CDH24: variants seen among roughly 807,000 people sequenced by gnomAD.
The protein encoded by CDH24 is cadherin 24.
CDH24 carries 61 observed loss-of-function variants against 71.2 expected under a neutral mutation model. That is an observed-to-expected ratio of 0.86 (90% CI 0.70 to 1.06). CDH24 has a LOEUF of 1.06. Ranked by LOEUF, CDH24 falls within the 50% of genes least tolerant of loss-of-function variation. The probability of loss-of-function intolerance (pLI) is 0.00; values close to 1 mark genes in which losing one functional copy is unlikely to be tolerated. For missense variants in CDH24, 961 were observed against 1,083.7 expected, an observed-to-expected ratio of 0.89 and a Z score of 1.59; for synonymous variants, 440 against 470.2, an observed-to-expected ratio of 0.94 and a Z score of 0.83.
At chr14:23,049,496 T>A in intron 10 of CDH24, 131 bp downstream of exon 10, 1 of 692,706 alleles carries the variant, frequency 1.4e-6, no homozygotes, top group South Asian at 1.8e-5. Context: ...TGAGTACAAG[T>A]CCACACCCAT....
intron 8 of CDH24, among the ~76,000 whole-genome samples, chr14:23,050,311 C>A (rs928586054): frequency 3.3e-5 from 5 of 152,188 alleles, no homozygotes; most frequent in African/African-American, 1.2e-4. Flanking sequence ...AAAACACATT[C>A]ATACCATATA....
intron 11 of CDH24, 81 bp from the exon 12 acceptor site, chr14:23,048,560 A>C (rs1404995638): frequency 2.1e-6 from 3 of 1,430,948 alleles, no homozygotes; most frequent in African/African-American, 1.4e-5. Flanking sequence ...AGGCTGACCC[A>C]TCAGGTGACA....
chr14:23,048,922 C>T (rs570462960), intron 11 of CDH24, 105 bp downstream of exon 11: 20 of 1,337,916 alleles, frequency 1.5e-5, no homozygotes, highest in South Asian at 1.1e-4. Context: ...GTATGAGGGT[C>T]GTTCAAGCCC....
chr14:23,052,832 G>A (rs942619685), intron 7 of CDH24, among the ~76,000 whole-genome samples: 1 of 152,158 alleles, frequency 6.6e-6, no homozygotes, highest in Non-Finnish European at 1.5e-5. Context: ...ACGGGGGGAG[G>A]GGGAGAAGAC....
Position 23,053,573 on chromosome 14 carries a change from C to T in CDH24, c.1149G>A (p.Val383=). The part of the protein sequence containing the change: ...AFTQAAYHLT[V]PENKAPGTLV... The stretch of plus-strand genomic sequence containing the variant: ...GGGTCCCCGGGGCCTTGTTCTCAGG[C>T]ACTGTCAGGTGGTAGGCAGCCTGGG... Residue 383 remains valine, a synonymous_variant, in exon 7 of 13, where the codon GTG becomes GTA. Transcript: ENST00000487137. 6.2e-7 allele frequency: 1 copy of T among 1,612,186 alleles called. No homozygotes were observed. The highest frequency in any genetic ancestry group is 1.7e-5 in the Admixed American group (1 of 59,976).
Position 23,048,215 on chromosome 14 carries a change from T to A in CDH24, c.2111A>T (p.Gln704Leu), listed in dbSNP as rs911692283. The A allele has an allele frequency of 7.6e-7, 1 of 1,315,206 alleles. No homozygotes were observed. Among genetic ancestry groups the A allele is most frequent in the Non-Finnish European group, 9.7e-7 (1 of 1,031,586 alleles). 81.5% of individuals were successfully genotyped at this position (1,315,206 alleles called of 1,614,324 possible). ...PRPPGPADVAQLLALRLREAD... is the reference protein window; with the variant it reads ...PRPPGPADVALLLALRLREAD... ...CTCGCGGAGCCGCAGCGCCAGGAGC[T>A]GCGCCACGTCGGCGGGGCCGGGGGG... The change falls in exon 12 of 13, where the codon CAG becomes CTG. Residue 704 changes from glutamine to leucine, a missense_variant. By Grantham distance (113) the Gln-to-Leu change is moderately radical. Transcript: ENST00000487137.
At chr14:23,053,363 A>G in intron 7 of CDH24, 133 bp downstream of exon 7, 1 of 1,122,092 alleles carries the variant, frequency 8.9e-7, no homozygotes, top group Non-Finnish European at 1.2e-6. Flanking sequence ...CAGACCAGCA[A>G]GCCCAGCTGC....
chr14:23,052,670 CCT>C (rs2047094251), intron 7 of CDH24, 61 bp from the exon 8 acceptor site: 1 of 1,561,218 alleles, frequency 6.4e-7, no homozygotes, highest in Non-Finnish European at 8.8e-7. Flanking sequence ...TGTTCCACCC[CCT>C]CTCTTCTTTC....
chr14:23,054,582 C>A lies in CDH24; in HGVS notation c.708G>T (p.Met236Ile), dbSNP rs762343545. Residue 236 changes from methionine (M) to isoleucine (I), a missense_variant, in exon 5 of 13, where the codon ATG becomes ATT. Physicochemically the swap from Met to Ile is conservative, Grantham distance 10. Around this residue, in one of 2 missense-constraint regions of CDH24, gnomAD observed 671 missense variants for 810.9 expected, o/e 0.83. Transcript: ENST00000487137. The surrounding 1 kb of genome is among the most constrained non-coding windows in gnomAD (Gnocchi z 5.2). Reference sequence around the variant, plus strand: ...CCGTAGTGCTGCCTGACAGCCCCCCCATGTGGCCGCCCATGTCCTTGGCCT... The same window carrying A: ...CCGTAGTGCTGCCTGACAGCCCCCCAATGTGGCCGCCCATGTCCTTGGCCT... Reference protein sequence around the residue: ...VIQAKDMGGHMGGLSGSTTVT... With the variant: ...VIQAKDMGGHIGGLSGSTTVT... The A allele has an allele frequency of 4.3e-6, 7 of 1,614,140 alleles. No homozygotes were observed. The East Asian group carries it at 8.9e-5, about 21-fold the overall frequency.
chr14:23,056,982 C>T (rs938514354), intron 1 of CDH24, among the ~76,000 whole-genome samples: 4 of 138,304 alleles, frequency 2.9e-5, no homozygotes, highest in African/African-American at 1.1e-4. Context: ...GATGAGGAGG[C>T]GAGAAGGAAG....
At position 23,054,251 on chromosome 14, in the gene CDH24, G is replaced by C. The variant is rs563371696; in HGVS notation, c.862C>G (p.Leu288Val). 2 of 1,613,762 alleles carry C rather than the reference G, an allele frequency of 1.2e-6. No homozygotes were observed. Among genetic ancestry groups the C allele is most frequent in the South Asian group, 2.2e-5 (2 of 91,070 alleles). ...VGRLRAQDPD[L>V]GDNALMAYSI... Reference sequence around the variant, plus strand: ...TATGCCATCAGGGCGTTGTCCCCCAGGTCTGGGTCCTGGGCCCGGAGCCGG... The same window carrying C: ...TATGCCATCAGGGCGTTGTCCCCCACGTCTGGGTCCTGGGCCCGGAGCCGG... Residue 288 changes from leucine to valine, a missense_variant, in exon 6 of 13, where the codon CTG becomes GTG. Leu to Val is a conservative substitution (Grantham distance 32, BLOSUM62 1). This residue lies in a region of CDH24 where 671 missense variants were observed against 810.9 expected (regional missense o/e 0.83). Transcript: ENST00000487137. The surrounding 1 kb of genome is among the most constrained non-coding windows in gnomAD (Gnocchi z 5.2).
chr14:23,048,994 C>A lies in CDH24; in HGVS notation c.1846+33G>T, dbSNP rs756323654. ...TCTCCACACCCCTGCAGGCCCAGAT[C>A]GCACAGCTATGTACCACTGTGGCCT... On this transcript the variant is annotated intron_variant, in intron 11 of 12. Coordinates refer to ENST00000487137, the MANE Select transcript of CDH24 (RefSeq NM_144985.4). 2.5e-6 allele frequency: 4 copies of A among 1,592,190 alleles called. No homozygotes were observed. In the South Asian group the frequency reaches 3.4e-5, roughly 13 times the overall value.
chr14:23,054,999 A>T lies in CDH24; in HGVS notation c.496+60T>A. 1 of 1,590,396 alleles carries T rather than the reference A, an allele frequency of 6.3e-7. No individual in the cohort carries two copies. The stretch of plus-strand genomic sequence containing the variant: ...TTCTGGGGCAGACAACAAGAAGGGA[A>T]GGAGAGGTGAGAGAGCTCCAGAAGA... On this transcript the variant is annotated intron_variant, in intron 3 of 12. Coordinates refer to ENST00000487137, the MANE Select transcript of CDH24 (RefSeq NM_144985.4). This position sits in a 1 kb window ranked among gnomAD's most constrained non-coding sequence, Gnocchi z 5.2.
chr14:23,053,722 A>G lies in CDH24; in HGVS notation c.1000T>C (p.Tyr334His). 6.2e-7 allele frequency: 1 copy of G among 1,610,440 alleles called. No homozygotes were observed. The highest frequency in any genetic ancestry group is 8.5e-7 in the Non-Finnish European group (1 of 1,178,490). ...TTGGTGGCCTCGACACGGAAGGAGT[A>G]GGAGCGCTGGCTCTCAAAGTCTAGG... is the stretch of plus-strand genomic sequence containing the variant. ...KPLDFESQRSYSFRVEATNTL... is the reference protein window; with the variant it reads ...KPLDFESQRSHSFRVEATNTL... The change falls in exon 7 of 13, where the codon TAC becomes CAC. Residue 334 changes from tyrosine (Y) to histidine (H), a missense_variant. By Grantham distance (83) the Tyr-to-His change is moderately conservative (BLOSUM62 2). Transcript: ENST00000487137.
In CDH24 at chr14:23,055,159, G is replaced by A. The variant is rs765583829; in HGVS notation, c.396C>T (p.Pro132=). 1.9e-6 allele frequency: 3 copies of A among 1,614,048 alleles called. No homozygotes were observed. Among genetic ancestry groups the A allele is most frequent in the Non-Finnish European group, 2.5e-6 (3 of 1,180,024 alleles). ...VDRASNRPLE[P]PSEFIIKVQD... is the part of the protein sequence containing the mutation. ...GCACTTTGATGATGAACTCTGATGG[G>A]GGCTCCAGGGGCCGGTTGGAGGCTC... The change falls in exon 3 of 13, where the codon CCC becomes CCT. Residue 132 remains proline (P), a synonymous_variant. Coordinates refer to ENST00000487137, the MANE Select transcript of CDH24 (RefSeq NM_144985.4). The surrounding 1 kb of genome is among the most constrained non-coding windows in gnomAD (Gnocchi z 4.1).
At position 23,051,749 on chromosome 14, in the gene CDH24, G is replaced by A. The variant is rs921871199; in HGVS notation, c.1363+724C>T. On this transcript the variant is annotated intron_variant, in intron 8 of 12. Coordinates refer to ENST00000487137, the MANE Select transcript of CDH24 (RefSeq NM_144985.4). The surrounding 1 kb of genome is among the most constrained non-coding windows in gnomAD (Gnocchi z 4.4). ...CATTCAGATATCCACATATACAAGG[G>A]CAGTTTTCATATGCAGTATGAAGAC... Among the ~76,000 whole-genome samples the A allele has an allele frequency of 6.6e-6, 1 of 152,168 alleles. No homozygotes were observed. Among genetic ancestry groups the A allele is most frequent in the Admixed American group, 6.5e-5 (1 of 15,280 alleles).
chr14:23,048,237 G>A lies in CDH24; in HGVS notation c.2089C>T (p.Pro697Ser). 7.5e-7 allele frequency: 1 copy of A among 1,330,696 alleles called. No homozygotes were observed. The highest frequency in any genetic ancestry group is 9.6e-7 in the Non-Finnish European group (1 of 1,043,374). The allele number at this position is 1,330,696 out of a possible 1,614,324, so 82.4% of individuals were successfully genotyped here. Residue 697 changes from proline (P) to serine (S), a missense_variant, in exon 12 of 13, where the codon CCC (proline) becomes TCC (serine). Physicochemically the swap from Pro to Ser is moderately conservative, Grantham distance 74 (BLOSUM62 -1). Transcript: ENST00000487137. ...RARVSRQPRPPGPADVAQLLA... is the reference protein window; with the variant it reads ...RARVSRQPRPSGPADVAQLLA... ...AGCTGCGCCACGTCGGCGGGGCCGG[G>A]GGGTCTGGGCTGGCGCGACACCCGG...
At chr14:23,050,548 T>TG (rs2047078889) in intron 8 of CDH24, among the ~76,000 whole-genome samples, 1 of 150,166 alleles carries the variant, frequency 6.7e-6, no homozygotes, top group Admixed American at 6.6e-5. Context: ...ATCAGAGGTC[T>TG]GGGAGGCTGT....
rs1177599988 is a variant in CDH24, at chr14:23,054,934, G to T, written c.497-68C>A. The T allele has an allele frequency of 2.5e-6, 4 of 1,604,324 alleles. No homozygotes were observed. Among genetic ancestry groups the T allele is most frequent in the South Asian group, 2.2e-5 (2 of 90,320 alleles). The stretch of plus-strand genomic sequence containing the variant: ...GATGGGGAAGAACAACCGATGGGGG[G>T]GGATGCAGATACGAGGGAGGCTGAA... On this transcript the variant is annotated intron_variant, in intron 3 of 12. Coordinates refer to ENST00000487137, the MANE Select transcript of CDH24 (RefSeq NM_144985.4). This position sits in a 1 kb window ranked among gnomAD's most constrained non-coding sequence, Gnocchi z 5.2.
Sources: allele counts gnomAD v4.1 joint callset (sites outside exome capture counted in the v4.1 genomes callset), GRCh38; gene constraint gnomAD v4.1.1; regional missense constraint gnomAD v4.1.1; non-coding constraint Gnocchi (gnomAD v3.1); transcripts MANE v1.5; gene names NCBI Gene and HGNC (gene_info 2026-07-23, HGNC 2026-07-21).